Variants in PID1 observed in about 807,000 individuals in gnomAD.
PID1 encodes phosphotyrosine interaction domain containing 1, also known as PTB-containing, cubilin and LRP1-interacting protein.
Under a neutral mutation model 19.1 loss-of-function variants are expected in PID1, and 10 were observed. The observed-to-expected ratio is 0.52, with a 90% CI of 0.32 to 0.89. PID1 has a LOEUF of 0.89. Among genes scored for constraint, PID1 ranks in the 40% least tolerant of loss-of-function variants. The pLI, the probability that PID1 is intolerant of heterozygous loss-of-function variation, is 0.03. For missense variants in PID1, 248 were observed against 285.3 expected, an observed-to-expected ratio of 0.87 and a Z score of 0.94; for synonymous variants, 130 against 116.0, an observed-to-expected ratio of 1.12 and a Z score of -0.78.
rs1693387985 is a variant in PID1, at chr2:229,025,288, C to T, written c.*344G>A. 4.0e-6 allele frequency: 1 copy of T among 252,078 alleles called. No individual in the cohort carries two copies. The highest frequency in any genetic ancestry group is 7.8e-6 in the Non-Finnish European group (1 of 128,224). 15.6% of individuals were successfully genotyped at this position (252,078 alleles called of 1,614,324 possible). On this transcript the variant is annotated 3_prime_UTR_variant, in exon 3 of 3. Coordinates refer to ENST00000392055, the MANE Select transcript of PID1 (RefSeq NM_001100818.2). ...TTTCATAAGGCAGATCGGAATGGCCCATCCAATAACAGCTGCAGAGTATTT... is the reference window on the plus strand; with the variant it reads ...TTTCATAAGGCAGATCGGAATGGCCTATCCAATAACAGCTGCAGAGTATTT...
chr2:229,087,686 C>T (rs1457652990), intron 2 of PID1, among the ~76,000 whole-genome samples: 1 of 152,160 alleles, frequency 6.6e-6, no homozygotes, highest in Non-Finnish European at 1.5e-5. Flanking sequence ...ACACATGATA[C>T]AACACACACA....
At chr2:229,094,516 A>C (rs1559230099) in intron 2 of PID1, among the ~76,000 whole-genome samples, 1 of 152,164 alleles carries the variant, frequency 6.6e-6, no homozygotes. Context: ...ATCTAGGGGC[A>C]TCACATTGCC....
intron 1 of PID1, among the ~76,000 whole-genome samples, chr2:229,232,876 C>T (rs1257630604): frequency 6.7e-6 from 1 of 148,380 alleles, no homozygotes; most frequent in Non-Finnish European, 1.5e-5. Context: ...AAAGAAACTG[C>T]CGAAGAAAGT....
chr2:229,169,167 T>C (rs1318939780), intron 1 of PID1, among the ~76,000 whole-genome samples: 3 of 152,216 alleles, frequency 2.0e-5, no homozygotes, highest in Admixed American at 2.0e-4. Flanking sequence ...CAATTGACTT[T>C]TAAAAATGTA....
At chr2:229,181,204 G>A (rs1690938795) in intron 1 of PID1, among the ~76,000 whole-genome samples, 2 of 152,214 alleles carry the variant, frequency 1.3e-5, no homozygotes, top group Non-Finnish European at 2.9e-5. Context: ...CCTTATTAGT[G>A]AGGAATCCTC....
intron 1 of PID1, among the ~76,000 whole-genome samples, chr2:229,213,335 G>A (rs1023675681): frequency 5.3e-5 from 8 of 152,060 alleles, no homozygotes; most frequent in Non-Finnish European, 1.0e-4. Context: ...TCATTCAACC[G>A]CACCAGGCTC....
intron 2 of PID1, among the ~76,000 whole-genome samples, chr2:229,155,613 G>A (rs1444003309): frequency 8.6e-5 from 13 of 151,976 alleles, no homozygotes; most frequent in Admixed American, 7.2e-4. Context: ...TCTTTAATGC[G>A]TGTCCAAAAG....
chr2:229,098,941 C>T (rs1317579615), intron 2 of PID1, among the ~76,000 whole-genome samples: 1 of 152,164 alleles, frequency 6.6e-6, no homozygotes, highest in Non-Finnish European at 1.5e-5. Context: ...TTCTTCTCTA[C>T]CACGCTTCTC....
chr2:229,249,948 G>A (rs533002660), intron 1 of PID1, among the ~76,000 whole-genome samples: 2 of 152,366 alleles, frequency 1.3e-5, no homozygotes, highest in South Asian at 2.1e-4. Flanking sequence ...GGTCTGGAAT[G>A]TATGGAAGGA....
At position 229,152,535 on chromosome 2, in the gene PID1, A is replaced by T. The variant is rs938499770; in HGVS notation, c.177+3283T>A. 2.0e-5 allele frequency among the ~76,000 whole-genome samples: 3 copies of T among 152,260 alleles called. No homozygotes were observed. In the South Asian group the frequency reaches 6.2e-4, roughly 32 times the overall value. On this transcript the variant is annotated intron_variant, in intron 2 of 2. Transcript: ENST00000392055. The stretch of plus-strand genomic sequence containing the variant: ...GGATTCCATCTTGCTAGATAGGAGG[A>T]GAAAGGTGTGACAAGCCATCATTGC...
intron 1 of PID1, among the ~76,000 whole-genome samples, chr2:229,231,022 A>G (rs1475471222): frequency 6.6e-6 from 1 of 152,160 alleles, no homozygotes; most frequent in East Asian, 1.9e-4. Flanking sequence ...ATGGCAAGGC[A>G]TGTCCAGCCA....
At chr2:229,029,356 T>C (rs1470852613) in intron 2 of PID1, among the ~76,000 whole-genome samples, 1 of 149,258 alleles carries the variant, frequency 6.7e-6, no homozygotes, top group Non-Finnish European at 1.5e-5. Context: ...CTACCATCCT[T>C]AGAAAAATGC....
At chr2:229,208,967 A>G (rs1404291921) in intron 1 of PID1, among the ~76,000 whole-genome samples, 2 of 152,202 alleles carry the variant, frequency 1.3e-5, no homozygotes, top group East Asian at 1.9e-4. Flanking sequence ...GGGGGGTGAC[A>G]GGAAGTGGCC....
rs369664470 is a variant in PID1 at position 229,026,025 on chromosome 2, C to A, written c.261G>T (p.Lys87Asn). The A allele has an allele frequency of 3.4e-5, 55 of 1,614,206 alleles. No individual in the cohort carries two copies. Among genetic ancestry groups the A allele is most frequent in the Non-Finnish European group, 4.5e-5 (53 of 1,180,030 alleles). ...CATCCTCTCGGGCTAGCGTGTGCTT[C>A]TTCCAGAGCTCAATGACTGGCTTTT... ...CTEKPVIELW[K>N]KHTLAREDVF... The change falls in exon 3 of 3, where the codon AAG becomes AAT. Residue 87 changes from lysine (K) to asparagine (N), a missense_variant. Physicochemically the swap from Lys to Asn is moderately conservative, Grantham distance 94. Transcript: ENST00000392055.
chr2:229,170,851 C>T (rs955381986), intron 1 of PID1, among the ~76,000 whole-genome samples: 1 of 151,884 alleles, frequency 6.6e-6, no homozygotes, highest in African/African-American at 2.4e-5. Context: ...TATCTTCCTC[C>T]GAAGTAATAA....
intron 2 of PID1, among the ~76,000 whole-genome samples, chr2:229,124,351 C>T (rs1231659166): frequency 6.6e-6 from 1 of 151,982 alleles, no homozygotes; most frequent in Non-Finnish European, 1.5e-5. Context: ...TTGTCTCTTC[C>T]AACTTCTCCA....
chr2:229,195,468 T>A (rs1691358495), intron 1 of PID1, among the ~76,000 whole-genome samples: 1 of 151,796 alleles, frequency 6.6e-6, no homozygotes, highest in Admixed American at 6.6e-5. Flanking sequence ...CATACATATA[T>A]TCATATTTTT....
At chr2:229,168,611 T>A (rs1690649952) in intron 1 of PID1, among the ~76,000 whole-genome samples, 1 of 152,172 alleles carries the variant, frequency 6.6e-6, no homozygotes, top group African/African-American at 2.4e-5. Context: ...CCTTTTCCAA[T>A]AGTGTTTGAT....
chr2:229,178,379 C>A (rs1559270895), intron 1 of PID1, among the ~76,000 whole-genome samples: 1 of 152,124 alleles, frequency 6.6e-6, no homozygotes, highest in African/African-American at 2.4e-5. Context: ...CTAACAAAAA[C>A]CTCCCCGTAA....
Sources: gnomAD v4.1 joint callset for allele counts (sites outside exome capture counted in the v4.1 genomes callset) on GRCh38, gnomAD v4.1.1 for gene constraint, MANE v1.5 for transcripts, NCBI Gene and HGNC (gene_info 2026-07-23, HGNC 2026-07-21) for gene names.